PALM2AKAP2: variants seen among roughly 807,000 people sequenced by gnomAD.
PALM2AKAP2 encodes the protein PALM2 and AKAP2 fusion, also known as PALM2-AKAP2 fusion protein.
Under a neutral mutation model 71.5 loss-of-function variants are expected in PALM2AKAP2, and 37 were observed. The ratio of observed to expected loss-of-function variants is 0.52; its 90% confidence interval spans 0.40 to 0.68. The LOEUF is 0.68. PALM2AKAP2 is among the 30% of genes least tolerant of loss of function. The pLI, the probability that PALM2AKAP2 is intolerant of heterozygous loss-of-function variation, is 0.00. For missense variants in PALM2AKAP2, 1,224 were observed against 1,191.8 expected (o/e 1.03, Z -0.40); for synonymous variants, 468 against 478.8 (o/e 0.98, Z 0.29).
intron 6 of PALM2AKAP2, among the ~76,000 whole-genome samples, chr9:110,005,297 A>C (rs1832756702): frequency 6.6e-6 from 1 of 152,212 alleles, no homozygotes; most frequent in African/African-American, 2.4e-5. Context: ...TCCACTCCAG[A>C]TCCTGTTTGC....
intron 1 of PALM2AKAP2, among the ~76,000 whole-genome samples, chr9:109,827,111 G>A (rs1828171099): frequency 2.0e-5 from 3 of 152,158 alleles, no homozygotes; most frequent in Admixed American, 1.3e-4. Flanking sequence ...ACTCTAATTA[G>A]TTCTGCTAAA....
rs147879650 is a variant in PALM2AKAP2, at chr9:109,748,671, T to G, written c.6-31817T>G. Among the ~76,000 whole-genome samples, 346 of 152,288 alleles carry G rather than the reference T, an allele frequency of 2.3e-3. 1 individual carries two copies. Among genetic ancestry groups the G allele is most frequent in the African/African-American group, 7.9e-3 (328 of 41,570 alleles). Reference sequence around the variant, plus strand: ...TGCTCTGGAAACTGGGAATTACACTTTGATTTTGGGGTAGAGGGTGTTATA... The same window carrying G: ...TGCTCTGGAAACTGGGAATTACACTGTGATTTTGGGGTAGAGGGTGTTATA... On this transcript the variant is annotated intron_variant, in intron 1 of 6. Coordinates refer to the PALM2AKAP2 transcript ENST00000374531.
At chr9:109,785,936 G>A (rs1248320432) in intron 1 of PALM2AKAP2, among the ~76,000 whole-genome samples, 1 of 152,216 alleles carries the variant, frequency 6.6e-6, no homozygotes, top group Non-Finnish European at 1.5e-5. Flanking sequence ...TATGGAATAT[G>A]CCCTTGTTAG....
chr9:110,114,999 C>T (rs1312768513), intron 1 of PALM2AKAP2, among the ~76,000 whole-genome samples: 2 of 152,158 alleles, frequency 1.3e-5, no homozygotes, highest in African/African-American at 4.8e-5. Flanking sequence ...CACTGCTCCC[C>T]GTATCCCTGC....
In PALM2AKAP2 at chr9:109,796,071, T is replaced by C. The variant is rs1827244813; in HGVS notation, c.45+15538T>C. Among the ~76,000 whole-genome samples, 2 of 152,240 alleles carry C rather than the reference T, an allele frequency of 1.3e-5. 1 individual carries two copies. The highest frequency in any genetic ancestry group is 4.1e-4 in the South Asian group (2 of 4,834). On this transcript the variant is annotated intron_variant, in intron 1 of 9. Transcript: ENST00000302798. ...GCCTGTCACAACACATTTTGCATAG[T>C]GTCAAAGCAAGTTTAGTGACTTTTA... is the stretch of plus-strand genomic sequence containing the variant.
chr9:109,905,063 A>G (rs1162073908), intron 3 of PALM2AKAP2, among the ~76,000 whole-genome samples: 1 of 152,226 alleles, frequency 6.6e-6, no homozygotes, highest in East Asian at 1.9e-4. Flanking sequence ...ACCCTCACAG[A>G]ACATTTTGGA....
chr9:110,129,263 G>A (rs1468660851), intron 1 of PALM2AKAP2, among the ~76,000 whole-genome samples: 1 of 152,210 alleles, frequency 6.6e-6, no homozygotes, highest in Non-Finnish European at 1.5e-5. Context: ...GACTTTTAAA[G>A]CTAAATTGTG....
intron 1 of PALM2AKAP2, among the ~76,000 whole-genome samples, chr9:109,650,037 A>G (rs973290191): frequency 1.3e-5 from 2 of 152,142 alleles, no homozygotes; most frequent in Non-Finnish European, 2.9e-5. Context: ...ATTTTCCTAC[A>G]TCTCTTGCCT....
chr9:110,083,823 C>T (rs992830943), intron 1 of PALM2AKAP2, among the ~76,000 whole-genome samples: 1 of 152,228 alleles, frequency 6.6e-6, no homozygotes, highest in Admixed American at 6.5e-5. Flanking sequence ...ATTGTATATT[C>T]CATCACACTC....
chr9:110,091,265 G>C (rs1341788121), intron 1 of PALM2AKAP2, among the ~76,000 whole-genome samples: 4 of 152,018 alleles, frequency 2.6e-5, no homozygotes, highest in Admixed American at 2.0e-4. Context: ...ATCAGGTATT[G>C]TCTACGGTCA....
chr9:110,091,459 C>CTTTTTTTTCTT (rs1834706723), intron 1 of PALM2AKAP2, among the ~76,000 whole-genome samples: 1 of 83,656 alleles, frequency 1.2e-5, no homozygotes, highest in Non-Finnish European at 2.1e-5. Flanking sequence ...GAGATTTATT[C>CTTTTTTTTCTT]TTTTTTTTTT....
At chr9:110,026,630 C>T (rs1833186205) in intron 7 of PALM2AKAP2, among the ~76,000 whole-genome samples, 1 of 152,174 alleles carries the variant, frequency 6.6e-6, no homozygotes, top group African/African-American at 2.4e-5. Context: ...TAAATACCAG[C>T]CCCCCATTCT....
chr9:109,695,220 A>G (rs1003752542), intron 1 of PALM2AKAP2, among the ~76,000 whole-genome samples: 2 of 152,238 alleles, frequency 1.3e-5, no homozygotes, highest in African/African-American at 4.8e-5. Flanking sequence ...AAGCAAAGTC[A>G]AAAGCGACTT....
rs1213435950 is a variant in PALM2AKAP2, at chr9:110,168,282, T to G, written c.2749-117T>G. The G allele has an allele frequency of 4.6e-6, 6 of 1,298,962 alleles. No homozygotes were observed. The East Asian group carries it at 1.5e-4, about 33-fold the overall frequency. The allele number at this position is 1,298,962 out of a possible 1,614,324, so 80.5% of individuals were successfully genotyped here. On this transcript the variant is annotated intron_variant, in intron 3 of 3. Transcript: ENST00000374525. Reference sequence around the variant, plus strand: ...GTCTCTCCTATCTCCCAGCAGTGCTTTATCACTTTCTCCTCTCAAGTTGAT... The same window carrying G: ...GTCTCTCCTATCTCCCAGCAGTGCTGTATCACTTTCTCCTCTCAAGTTGAT...
chr9:109,981,592 C>T (rs1458380682), intron 6 of PALM2AKAP2, among the ~76,000 whole-genome samples: 1 of 152,166 alleles, frequency 6.6e-6, no homozygotes, highest in African/African-American at 2.4e-5. Flanking sequence ...CAAACTTCTC[C>T]CTAGCATGGA....
At chr9:109,867,256 C>A (rs569175251) in intron 1 of PALM2AKAP2, 10 of 437,230 alleles carry the variant, frequency 2.3e-5, no homozygotes, top group South Asian at 1.9e-4. Context: ...ATTCTTGCAG[C>A]CTGGCTGAGT....
chr9:109,703,482 T>C (rs1828095327), intron 1 of PALM2AKAP2, among the ~76,000 whole-genome samples: 1 of 152,202 alleles, frequency 6.6e-6, no homozygotes. Flanking sequence ...CCTGAAAATG[T>C]CTTACAGTGG....
chr9:109,884,771 A>G (rs533650758), intron 3 of PALM2AKAP2, among the ~76,000 whole-genome samples: 28 of 152,226 alleles, frequency 1.8e-4, no homozygotes, highest in Non-Finnish European at 3.5e-4. Flanking sequence ...GTTGCAAACT[A>G]TAAAGTATAT....
intron 1 of PALM2AKAP2, among the ~76,000 whole-genome samples, chr9:110,072,731 A>C (rs1834231773): frequency 6.6e-6 from 1 of 152,174 alleles, no homozygotes; most frequent in South Asian, 2.1e-4. Flanking sequence ...CTTGCCCTTC[A>C]AATGCAGCCG....
Sources: gnomAD v4.1 joint callset for allele counts (sites outside exome capture counted in the v4.1 genomes callset) on GRCh38, gnomAD v4.1.1 for gene constraint, MANE v1.5 for transcripts, NCBI Gene and HGNC (gene_info 2026-07-23, HGNC 2026-07-21) for gene names.